RGPD1: variants seen among roughly 807,000 people sequenced by gnomAD.
The protein encoded by RGPD1 is RANBP2-like and GRIP domain-containing protein 1.
A neutral mutation model predicts 40.6 loss-of-function variants in RGPD1; 7 were observed. The ratio of observed to expected loss-of-function variants is 0.17; its 90% confidence interval spans 0.10 to 0.32. RGPD1 has a LOEUF of 0.32. Among genes scored for constraint, RGPD1 ranks in the 10% least tolerant of loss-of-function variants. The pLI is 1.00. For missense variants in RGPD1, 50 were observed against 472.5 expected (o/e 0.11, Z 8.29); for synonymous variants, 24 against 167.0 (o/e 0.14, Z 6.60).
At chr2:86,914,903 G>T (rs1352419433) in intron 1 of RGPD1, among the ~76,000 whole-genome samples, 3 of 48,752 alleles carry the variant, frequency 6.2e-5, no homozygotes, top group Non-Finnish European at 1.2e-4. Flanking sequence ...CTGGCCGGGC[G>T]GCGGCGGAGG....
intron 1 of RGPD1, among the ~76,000 whole-genome samples, chr2:86,944,007 C>CCAAAAAAAAA (rs1367318182): frequency 6.6e-6 from 1 of 150,432 alleles, no homozygotes; most frequent in Non-Finnish European, 1.5e-5. Context: ...GAGGGAGACT[C>CCAAAAAAAAA]CAAAAAAAAA....
Position 86,947,572 on chromosome 2 carries a change from G to T in RGPD1, c.73-3724G>T, listed in dbSNP as rs977450914. Among the ~76,000 whole-genome samples, 166 of 112,088 alleles carry T rather than the reference G, an allele frequency of 1.5e-3. 21 individuals are homozygous for T. The highest frequency in any genetic ancestry group is 5.1e-3 in the African/African-American group (157 of 30,828). 73.5% of individuals were successfully genotyped at this position (112,088 alleles called of 152,430 possible). A position where few individuals can be genotyped will look rare whatever the true frequency, so the allele number is the denominator to read the frequency against. On this transcript the variant is annotated intron_variant, in intron 1 of 22. Coordinates refer to ENST00000641458, the MANE Select transcript of RGPD1 (RefSeq NM_001382344.1). The stretch of plus-strand genomic sequence containing the variant: ...TCAATTGGGAAACTCATTTCTTTCA[G>T]TTCTGTAGCGTTTCTTGTATTATTT...
intron 1 of RGPD1, among the ~76,000 whole-genome samples, chr2:86,949,266 T>TG (rs1359859174): frequency 1.3e-5 from 2 of 152,312 alleles, no homozygotes; most frequent in African/African-American, 4.8e-5. Context: ...GATCAGTTGT[T>TG]GGAGTATTGC....
chr2:87,009,071 C>T (rs1302041523), intron 22 of RGPD1, among the ~76,000 whole-genome samples: 2 of 146,680 alleles, frequency 1.4e-5, no homozygotes, highest in South Asian at 2.2e-4. Flanking sequence ...TTTGGGAGGC[C>T]GAGGCGGGCA....
chr2:86,916,292 C>T (rs1303256153), intron 1 of RGPD1, among the ~76,000 whole-genome samples: 1 of 152,066 alleles, frequency 6.6e-6, no homozygotes, highest in Non-Finnish European at 1.5e-5. Flanking sequence ...CCTTTTAAGG[C>T]AGAGAGCATG....
chr2:86,939,730 C>CTTTTTTT (rs1162935821), upstream of RGPD1, among the ~76,000 whole-genome samples: 2 of 89,126 alleles, frequency 2.2e-5, no homozygotes, highest in African/African-American at 1.0e-4. Flanking sequence ...TCTTGGTTTC[C>CTTTTTTT]TTTTTTTTTT....
intron 1 of RGPD1, among the ~76,000 whole-genome samples, chr2:86,918,527 T>C (rs1387595504): frequency 2.2e-5 from 3 of 133,882 alleles, no homozygotes; most frequent in Non-Finnish European, 4.6e-5. Context: ...TGGCGCAATC[T>C]CAGCTCACTA....
At chr2:86,940,684 C>T (rs2104750980), upstream of RGPD1, among the ~76,000 whole-genome samples, 1 of 152,194 alleles carries the variant, frequency 6.6e-6, no homozygotes, top group African/African-American at 2.4e-5. Flanking sequence ...CAGTCTCCAA[C>T]TCCTGGGCTA....
chr2:86,935,672 G>A (rs1679293482), intron 1 of RGPD1, among the ~76,000 whole-genome samples: 1 of 125,870 alleles, frequency 7.9e-6, no homozygotes, highest in African/African-American at 2.7e-5. Context: ...GAAAGGTAAT[G>A]AAAGTAAATC....
intron 1 of RGPD1, among the ~76,000 whole-genome samples, chr2:86,925,642 T>C (rs1335689515): frequency 2.0e-5 from 3 of 152,232 alleles, no homozygotes; most frequent in Non-Finnish European, 4.4e-5. Context: ...AAGCCTATGA[T>C]TTATATTTAC....
intron 1 of RGPD1, 79 bp downstream of exon 1, chr2:86,942,387 C>G (rs1349125621): frequency 8.7e-6 from 8 of 920,688 alleles, no homozygotes; most frequent in East Asian, 5.7e-5. Context: ...CGGCCTCGAC[C>G]TGGCCGGGCG....
At position 86,914,908 on chromosome 2, in the gene RGPD1, CGGA is replaced by C. The variant is rs1343283242; in HGVS notation, c.72+990_72+992del. On this transcript the variant is annotated intron_variant, in intron 1 of 22. Transcript: ENST00000398193. The stretch of plus-strand genomic sequence containing the variant: ...CGGCCTCGACCTGGCCGGGCGGCGG[CGGA>C]GGCGGCGGCCTCGACCTGGCCGGGC... Among the ~76,000 whole-genome samples, 89 of 51,756 alleles carry C rather than the reference CGGA, an allele frequency of 1.7e-3. 21 individuals are homozygous for C. The highest frequency in any genetic ancestry group is 4.9e-3 in the African/African-American group (39 of 7,944). The allele number at this position is 51,756 out of a possible 152,430, so 34.0% of individuals were successfully genotyped here.
chr2:86,924,462 A>G (rs867897732), intron 1 of RGPD1, among the ~76,000 whole-genome samples: 2 of 150,352 alleles, frequency 1.3e-5, no homozygotes, highest in Middle Eastern at 3.4e-3. Flanking sequence ...GCCCGTGGAC[A>G]TACATTTTCA....
intron 1 of RGPD1, among the ~76,000 whole-genome samples, chr2:86,923,300 A>G (rs1424187474): frequency 4.0e-5 from 6 of 151,824 alleles, no homozygotes; most frequent in South Asian, 2.1e-4. Flanking sequence ...TTGGTGTCCC[A>G]AAGTGCTGGG....
upstream of RGPD1, among the ~76,000 whole-genome samples, chr2:86,939,590 AAAAGAAAG>A (rs377673220): frequency 2.6e-3 from 352 of 135,752 alleles, 1 homozygote; most frequent in African/African-American, 6.5e-3. Flanking sequence ...AAAAAAAAAA[AAAAGAAAG>A]AAAGAAAGAA....
At chr2:86,914,242 C>A (rs1677624490) in intron 1 of RGPD1, among the ~76,000 whole-genome samples, 1 of 84,446 alleles carries the variant, frequency 1.2e-5, no homozygotes, top group East Asian at 3.1e-4. Flanking sequence ...GGCCGGGCGG[C>A]GGCGGCGGCG....
In RGPD1 at chr2:86,915,111, C is replaced by A. The variant is rs1323651325; in HGVS notation, c.72+1190C>A. Among the ~76,000 whole-genome samples, 13 of 149,872 alleles carry A rather than the reference C, an allele frequency of 8.7e-5. 1 individual carries two copies. The highest frequency in any genetic ancestry group is 1.8e-4 in the Non-Finnish European group (12 of 67,402). On this transcript the variant is annotated intron_variant, in intron 1 of 22. Transcript: ENST00000398193. ...GGTCGTTCGAGACCAGCCTGGCCAACGTGGTGAAACCCTTTCTCTACTGAA... is the reference window on the plus strand; with the variant it reads ...GGTCGTTCGAGACCAGCCTGGCCAAAGTGGTGAAACCCTTTCTCTACTGAA...
At chr2:86,919,313 AT>A (rs1230269660) in intron 1 of RGPD1, among the ~76,000 whole-genome samples, 1 of 142,378 alleles carries the variant, frequency 7.0e-6, no homozygotes, top group African/African-American at 2.7e-5. Flanking sequence ...TTATTTTTTG[AT>A]TCGTATTTCA....
chr2:87,010,656 C>T (rs1175513312), intron 22 of RGPD1, among the ~76,000 whole-genome samples: 1 of 15,728 alleles, frequency 6.4e-5, no homozygotes, highest in East Asian at 2.0e-3. Context: ...GCCTGTAATC[C>T]CAGCACTTTG....
Sources: allele counts gnomAD v4.1 joint callset (sites outside exome capture counted in the v4.1 genomes callset), GRCh38; gene constraint gnomAD v4.1.1; transcripts MANE v1.5; gene names NCBI Gene and HGNC (gene_info 2026-07-23, HGNC 2026-07-21).